The following EXT1 variants were observed in gnomAD, a reference collection of about 807,000 sequenced individuals.
EXT1 encodes exostosin glycosyltransferase 1.
EXT1 carries 20 observed loss-of-function variants against 82.5 expected under a neutral mutation model. The observed-to-expected ratio is 0.24, with a 90% confidence interval of 0.17 to 0.35. The LOEUF is 0.35. Ranked by LOEUF, EXT1 falls within the 10% of genes least tolerant of loss-of-function variation. The pLI, the probability that EXT1 is intolerant of heterozygous loss-of-function variation, is 1.00. For missense variants in EXT1, 757 were observed against 936.5 expected (o/e 0.81, Z 2.50); for synonymous variants, 348 against 350.8 (o/e 0.99, Z 0.09).
chr8:117,883,425 G>A (rs1161592699), intron 1 of EXT1, among the ~76,000 whole-genome samples: 1 of 152,128 alleles, frequency 6.6e-6, no homozygotes, highest in Non-Finnish European at 1.5e-5. Flanking sequence ...GGAACCATCC[G>A]ACAAGGCTTA....
At chr8:118,088,066 T>A (rs959996255) in intron 1 of EXT1, among the ~76,000 whole-genome samples, 1 of 152,010 alleles carries the variant, frequency 6.6e-6, no homozygotes, top group Non-Finnish European at 1.5e-5. Flanking sequence ...AGTAAATGCA[T>A]TGAACAGCAA....
intron 1 of EXT1, among the ~76,000 whole-genome samples, chr8:118,020,007 G>T (rs912135042): frequency 6.6e-6 from 1 of 152,206 alleles, no homozygotes; most frequent in Non-Finnish European, 1.5e-5. Flanking sequence ...TTATTTTGGG[G>T]TTGCTCAAAG....
chr8:117,982,896 C>A (rs568551901), intron 1 of EXT1, among the ~76,000 whole-genome samples: 1 of 152,284 alleles, frequency 6.6e-6, no homozygotes, highest in East Asian at 1.9e-4. Flanking sequence ...ATCTTAGGGA[C>A]TATAGAGTTC....
intron 1 of EXT1, among the ~76,000 whole-genome samples, chr8:117,869,580 T>C (rs1220183446): frequency 2.6e-5 from 4 of 152,236 alleles, no homozygotes; most frequent in South Asian, 2.1e-4. Flanking sequence ...CTGGCTTTTA[T>C]TGAAGGATGA....
intron 1 of EXT1, among the ~76,000 whole-genome samples, chr8:118,064,410 T>A (rs756474779): frequency 3.3e-5 from 5 of 152,164 alleles, no homozygotes; most frequent in Non-Finnish European, 7.3e-5. Flanking sequence ...CTCCCACTTA[T>A]GAGTGAGAAC....
intron 1 of EXT1, among the ~76,000 whole-genome samples, chr8:117,973,989 A>AAGGAAGGAAGGAAGGAAC (rs1815016751): frequency 1.2e-5 from 1 of 80,134 alleles, no homozygotes; most frequent in African/African-American, 5.0e-5. Context: ...AAGGAAGGAA[A>AAGGAAGGAAGGAAGGAAC]TAAATGTCTT....
intron 8 of EXT1, among the ~76,000 whole-genome samples, chr8:117,808,594 T>G (rs1298302137): frequency 2.0e-5 from 3 of 152,202 alleles, no homozygotes; most frequent in Admixed American, 2.0e-4. Context: ...GGATAAGCAA[T>G]ACAAATGGAA....
intron 1 of EXT1, among the ~76,000 whole-genome samples, chr8:118,028,007 G>C (rs1484478381): frequency 6.6e-6 from 1 of 152,148 alleles, no homozygotes; most frequent in Non-Finnish European, 1.5e-5. Flanking sequence ...ATTACAGTGG[G>C]AATTAATGGT....
intron 1 of EXT1, among the ~76,000 whole-genome samples, chr8:118,098,030 G>A (rs1045782317): frequency 6.6e-6 from 1 of 152,106 alleles, no homozygotes; most frequent in South Asian, 2.1e-4. Flanking sequence ...AGGAGGAGGA[G>A]TGTGGCTCTG....
intron 1 of EXT1, among the ~76,000 whole-genome samples, chr8:118,032,508 CTTTTTTTTTT>C (rs1207517029): frequency 2.3e-5 from 3 of 133,148 alleles, no homozygotes; most frequent in Admixed American, 1.5e-4. Flanking sequence ...AGGGTAACAA[CTTTTTTTTTT>C]TTTTTTTTTG....
At chr8:118,065,944 G>A (rs1256181657) in intron 1 of EXT1, among the ~76,000 whole-genome samples, 1 of 152,198 alleles carries the variant, frequency 6.6e-6, no homozygotes, top group East Asian at 1.9e-4. Context: ...CATTTGAAGA[G>A]AAAGAGGAGG....
chr8:117,899,412 C>A (rs1269370360), intron 1 of EXT1, among the ~76,000 whole-genome samples: 15 of 152,186 alleles, frequency 9.9e-5, no homozygotes, highest in Admixed American at 9.8e-4. Context: ...TCATCTCAGC[C>A]CATCACCAGA....
At chr8:117,858,704 GA>G (rs1812610757) in intron 1 of EXT1, among the ~76,000 whole-genome samples, 2 of 134,132 alleles carry the variant, frequency 1.5e-5, no homozygotes, top group African/African-American at 2.8e-5. Flanking sequence ...AAGAAAGAAA[GA>G]AAAGAAAGAA....
At chr8:117,982,664 A>T (rs1483198074) in intron 1 of EXT1, among the ~76,000 whole-genome samples, 1 of 151,920 alleles carries the variant, frequency 6.6e-6, no homozygotes, top group African/African-American at 2.4e-5. Flanking sequence ...TTAATTTTTT[A>T]AAAATATTTT....
At chr8:117,991,268 G>A (rs889408774) in intron 1 of EXT1, among the ~76,000 whole-genome samples, 2 of 151,682 alleles carry the variant, frequency 1.3e-5, no homozygotes, top group South Asian at 2.1e-4. Flanking sequence ...ATGCCACCAC[G>A]CCCAGCTAAA....
chr8:118,080,529 A>G (rs982409736), intron 1 of EXT1, among the ~76,000 whole-genome samples: 3 of 152,210 alleles, frequency 2.0e-5, no homozygotes, highest in Non-Finnish European at 4.4e-5. Context: ...AAAGGAGATT[A>G]GTTTTAATCA....
Position 117,807,351 on chromosome 8 carries a change from C to G in EXT1, c.1749G>C (p.Gln583His), listed in dbSNP as rs575895733. The change falls in exon 9 of 11, where the codon CAG becomes CAC. Residue 583 changes from glutamine (Q) to histidine (H), a missense_variant. Physicochemically the swap from Gln to His is conservative, Grantham distance 24 (BLOSUM62 0). Coordinates refer to ENST00000378204, the MANE Select transcript of EXT1 (RefSeq NM_000127.3). The part of the protein sequence containing the change: ...TEVDFAFTVW[Q>H]SFPERIVGYP... ...ACCCCACAATCCTCTCAGGGAAGCT[C>G]TGCCACACTGTGAAGGCGAAATCCA... The G allele has an allele frequency of 3.0e-5, 48 of 1,614,192 alleles. No homozygotes were observed. In the African/African-American group the frequency reaches 5.2e-4, roughly 17 times the overall value.
At chr8:118,061,041 AC>A (rs1816873085) in intron 1 of EXT1, among the ~76,000 whole-genome samples, 1 of 152,200 alleles carries the variant, frequency 6.6e-6, no homozygotes, top group Non-Finnish European at 1.5e-5. Context: ...CATCACAGAG[AC>A]AAAAAATTCC....
Position 117,865,698 on chromosome 8 carries a change from T to C in EXT1, c.963-28497A>G, listed in dbSNP as rs549742880. Reference sequence around the variant, plus strand: ...CTTGCTTGTATTACAATATTCATCCTGTCTGGAGATGATGGCACTAATCGT... The same window carrying C: ...CTTGCTTGTATTACAATATTCATCCCGTCTGGAGATGATGGCACTAATCGT... On this transcript the variant is annotated intron_variant, in intron 1 of 10. Transcript: ENST00000378204. 1.4e-4 allele frequency among the ~76,000 whole-genome samples: 21 copies of C among 152,348 alleles called. 1 individual carries two copies. The South Asian group carries it at 4.4e-3, about 32-fold the overall frequency.
Sources: allele counts gnomAD v4.1 joint callset (sites outside exome capture counted in the v4.1 genomes callset), GRCh38; gene constraint gnomAD v4.1.1; transcripts MANE v1.5; gene names NCBI Gene and HGNC (gene_info 2026-07-23, HGNC 2026-07-21).